The following TCF12 variants were observed in gnomAD, a reference collection of about 807,000 sequenced individuals.
The protein encoded by TCF12 is transcription factor 12.
TCF12 carries 45 observed loss-of-function variants against 86.0 expected under a neutral mutation model. The ratio of observed to expected loss-of-function variants is 0.52; its 90% CI spans 0.41 to 0.67. TCF12 has a LOEUF of 0.67. Among genes scored for constraint, TCF12 ranks in the 30% least tolerant of loss-of-function variants. The pLI, the probability that TCF12 is intolerant of heterozygous loss-of-function variation, is 0.00. For synonymous variants in TCF12, 330 were observed against 299.6 expected (o/e 1.10, Z -1.05); for missense variants, 881 against 859.9 (o/e 1.02, Z -0.31).
intron 3 of TCF12, among the ~76,000 whole-genome samples, chr15:57,035,327 G>A (rs1009625780): frequency 3.3e-5 from 5 of 152,124 alleles, no homozygotes; most frequent in Admixed American, 2.6e-4. Context: ...GCAGTGGCAC[G>A]ATCATAGCTC....
At chr15:57,007,122 A>G (rs1196786698) in intron 3 of TCF12, among the ~76,000 whole-genome samples, 1 of 152,254 alleles carries the variant, frequency 6.6e-6, no homozygotes, top group Non-Finnish European at 1.5e-5. Context: ...TACAAAGTAT[A>G]GGTATTCACA....
chr15:57,076,649 AAAAG>A lies in TCF12; in HGVS notation c.222+12830_222+12833del, dbSNP rs536165032. Among the ~76,000 whole-genome samples, 1,080 of 151,404 alleles carry A rather than the reference AAAAG, an allele frequency of 7.1e-3. 9 individuals are homozygous for A. The highest frequency in any genetic ancestry group is 0.026 in the African/African-American group (1,044 of 40,854). On this transcript the variant is annotated intron_variant, in intron 4 of 20. Transcript: ENST00000333725. ...GCCTGGCTCTGTCTCAAAAAAAAAA[AAAAG>A]AAAAGAAAGGAATAGAATAAACTTT...
chr15:57,005,099 A>G (rs1018016401), intron 3 of TCF12, among the ~76,000 whole-genome samples: 12 of 152,330 alleles, frequency 7.9e-5, no homozygotes, highest in African/African-American at 2.4e-4. Flanking sequence ...CTTTGAAGAC[A>G]TATGATCAGG....
chr15:56,989,645 C>G (rs1305364077), intron 3 of TCF12, among the ~76,000 whole-genome samples: 1 of 152,170 alleles, frequency 6.6e-6, no homozygotes, highest in Non-Finnish European at 1.5e-5. Flanking sequence ...GATTGTAATT[C>G]TAGTCTTATT....
chr15:57,224,456 A>T (rs1402786915), intron 8 of TCF12, among the ~76,000 whole-genome samples: 2 of 152,144 alleles, frequency 1.3e-5, no homozygotes, highest in African/African-American at 4.8e-5. Context: ...AACCAGTGAT[A>T]TGCCCAGTAA....
At chr15:57,197,237 A>G (rs549233505) in intron 7 of TCF12, among the ~76,000 whole-genome samples, 1 of 139,350 alleles carries the variant, frequency 7.2e-6, no homozygotes, top group African/African-American at 2.6e-5. Context: ...GCTCACTGCA[A>G]CCTCCATCTC....
chr15:57,090,850 C>G (rs1409156340), intron 4 of TCF12, among the ~76,000 whole-genome samples: 1 of 152,074 alleles, frequency 6.6e-6, no homozygotes, highest in African/African-American at 2.4e-5. Context: ...TAATAGAGTT[C>G]AAAGCCTTGT....
At chr15:56,999,041 AC>A (rs1161039200) in intron 3 of TCF12, among the ~76,000 whole-genome samples, 1 of 152,040 alleles carries the variant, frequency 6.6e-6, no homozygotes, top group Non-Finnish European at 1.5e-5. Flanking sequence ...TACTAAATAT[AC>A]AAAAAATTAG....
intron 4 of TCF12, chr15:57,072,570 T>TTTA: frequency 1.1e-6 from 1 of 892,752 alleles, no homozygotes; most frequent in Non-Finnish European, 1.5e-6. Flanking sequence ...AGGTATACAT[T>TTTA]TTATAGCTAC....
At chr15:56,991,121 CAG>C (rs2063439580) in intron 3 of TCF12, among the ~76,000 whole-genome samples, 1 of 152,134 alleles carries the variant, frequency 6.6e-6, no homozygotes, top group Non-Finnish European at 1.5e-5. Flanking sequence ...TAACAAATCT[CAG>C]GGGTTTGCTT....
chr15:56,971,367 C>T (rs867183226), intron 3 of TCF12, among the ~76,000 whole-genome samples: 20 of 151,786 alleles, frequency 1.3e-4, no homozygotes, highest in Admixed American at 4.6e-4. Context: ...GTGGAGGTTG[C>T]AGTGAGCCGA....
chr15:56,937,441 TC>T (rs1342438578), intron 3 of TCF12, among the ~76,000 whole-genome samples: 5 of 151,850 alleles, frequency 3.3e-5, no homozygotes, highest in Non-Finnish European at 7.4e-5. Flanking sequence ...ACTGCAACCT[TC>T]TAGGAGCTTT....
At chr15:57,126,356 GT>G (rs1342996953) in intron 5 of TCF12, among the ~76,000 whole-genome samples, 16 of 152,038 alleles carry the variant, frequency 1.1e-4, no homozygotes, top group African/African-American at 3.9e-4. Context: ...TCCTTATAAA[GT>G]TATTAGCAAA....
chr15:57,067,025 T>TTCTTATCTC (rs2068937883), intron 4 of TCF12, among the ~76,000 whole-genome samples: 1 of 152,206 alleles, frequency 6.6e-6, no homozygotes. Context: ...GGTCACAAAC[T>TTCTTATCTC]TCTTATCTCT....
intron 18 of TCF12, among the ~76,000 whole-genome samples, chr15:57,268,280 A>G (rs1463116736): frequency 1.3e-5 from 2 of 152,200 alleles, no homozygotes; most frequent in South Asian, 2.1e-4. Flanking sequence ...ATGAGTGGCT[A>G]TCTGTGGACA....
intron 3 of TCF12, among the ~76,000 whole-genome samples, chr15:56,953,666 T>C (rs1488835709): frequency 1.3e-5 from 2 of 152,080 alleles, no homozygotes; most frequent in Admixed American, 6.5e-5. Context: ...TTTGTGTTTC[T>C]CAAAGATTGT....
chr15:57,280,657 C>T (rs577710537), intron 19 of TCF12, among the ~76,000 whole-genome samples: 6 of 152,182 alleles, frequency 3.9e-5, no homozygotes, highest in African/African-American at 1.4e-4. Flanking sequence ...ATCCTTTCAG[C>T]CCAGGAGTTC....
chr15:56,957,531 A>ATCT lies in TCF12; in HGVS notation c.148+36434_148+36435insCTT, dbSNP rs1567163487. Reference sequence around the variant, plus strand: ...GTTCAGTGTACTTTTCATCTCATACATTATGGTTTTCACCTTTGCAAGTTT... The same window carrying ATCT: ...GTTCAGTGTACTTTTCATCTCATACATCTTTATGGTTTTCACCTTTGCAAGTTT... On this transcript the variant is annotated intron_variant, in intron 3 of 20. Coordinates refer to ENST00000333725, the MANE Select transcript of TCF12 (RefSeq NM_207037.2). Among the ~76,000 whole-genome samples the ATCT allele has an allele frequency of 3.5e-3, 534 of 152,228 alleles. 3 individuals carry two copies. Among genetic ancestry groups the ATCT allele is most frequent in the African/African-American group, 0.012 (508 of 41,538 alleles).
upstream of TCF12, chr15:56,918,373 T>TACA: frequency 5.2e-6 from 2 of 383,670 alleles, no homozygotes; most frequent in Non-Finnish European, 1.1e-5. Context: ...GCCACCCCGC[T>TACA]CCCAGGAGGC....
Sources: gnomAD v4.1 joint callset for allele counts (sites outside exome capture counted in the v4.1 genomes callset) on GRCh38, gnomAD v4.1.1 for gene constraint, MANE v1.5 for transcripts, NCBI Gene and HGNC (gene_info 2026-07-23, HGNC 2026-07-21) for gene names.